Variants in SORCS1 observed in about 807,000 individuals in gnomAD.
The protein encoded by SORCS1 is sortilin related VPS10 domain containing receptor 1.
SORCS1 carries 60 observed loss-of-function variants against 146.1 expected under a neutral mutation model. The ratio of observed to expected loss-of-function variants is 0.41; its 90% CI spans 0.33 to 0.51. The LOEUF (loss-of-function observed/expected upper bound fraction) is 0.51. Among genes scored for constraint, SORCS1 ranks in the 20% least tolerant of loss-of-function variants. The pLI is 0.21. For missense variants in SORCS1, 1,352 were observed against 1,487.6 expected (o/e 0.91, Z 1.50); for synonymous variants, 637 against 584.0 (o/e 1.09, Z -1.31).
At chr10:106,646,529 C>G (rs757772906) in intron 18 of SORCS1, among the ~76,000 whole-genome samples, 34 of 151,852 alleles carry the variant, frequency 2.2e-4, no homozygotes, top group Non-Finnish European at 4.0e-4. Context: ...GACCCCGTCT[C>G]TACTAAAAAT....
chr10:106,833,918 C>T lies in SORCS1; in HGVS notation c.627-4245G>A, dbSNP rs541530656. Among the ~76,000 whole-genome samples the T allele has an allele frequency of 1.6e-4, 25 of 152,262 alleles. No homozygotes were observed. The East Asian group carries it at 4.4e-3, about 27-fold the overall frequency. Reference sequence around the variant, plus strand: ...ACGCCATTCTCCTGCCTCAGCATCCCGAGTAGCTGGGACTACAGGCGCCCG... The same window carrying T: ...ACGCCATTCTCCTGCCTCAGCATCCTGAGTAGCTGGGACTACAGGCGCCCG... On this transcript the variant is annotated intron_variant, in intron 2 of 25. Transcript: ENST00000263054.
chr10:106,731,649 A>G (rs1036242693), intron 5 of SORCS1, among the ~76,000 whole-genome samples: 1 of 152,144 alleles, frequency 6.6e-6, no homozygotes, highest in Admixed American at 6.6e-5. Context: ...TCCTTATCAG[A>G]GTTTGTTATA....
intron 2 of SORCS1, among the ~76,000 whole-genome samples, chr10:106,911,828 A>C (rs977521437): frequency 2.2e-4 from 33 of 152,100 alleles, no homozygotes; most frequent in African/African-American, 7.5e-4. Context: ...AAAGCTGCTC[A>C]GGGACTGGGT....
intron 2 of SORCS1, among the ~76,000 whole-genome samples, chr10:106,862,094 C>T (rs550067446): frequency 6.6e-4 from 101 of 152,246 alleles, no homozygotes; most frequent in African/African-American, 2.2e-3. Flanking sequence ...GACAACTGGA[C>T]CAGCTGATCT....
At chr10:106,834,724 T>C (rs2137061046) in intron 2 of SORCS1, among the ~76,000 whole-genome samples, 1 of 152,316 alleles carries the variant, frequency 6.6e-6, no homozygotes, top group South Asian at 2.1e-4. Context: ...GTATCTTAAA[T>C]AGTCATAATT....
chr10:106,598,917 C>T (rs1846069029), intron 23 of SORCS1, among the ~76,000 whole-genome samples: 1 of 152,206 alleles, frequency 6.6e-6, no homozygotes, highest in Non-Finnish European at 1.5e-5. Flanking sequence ...AGTCGTTGAG[C>T]ACCTGGGATC....
chr10:106,812,040 G>C (rs1395063275), intron 3 of SORCS1, among the ~76,000 whole-genome samples: 1 of 152,024 alleles, frequency 6.6e-6, no homozygotes, highest in Non-Finnish European at 1.5e-5. Flanking sequence ...TAGCTCTGTC[G>C]CCCAGGCTGG....
Position 106,618,184 on chromosome 10 carries a change from G to A in SORCS1, c.2885C>T (p.Ala962Val). Residue 962 changes from alanine (A) to valine (V), a missense_variant, in exon 21 of 26, where the codon GCC becomes GTC. Physicochemically the swap from Ala to Val is moderately conservative, Grantham distance 64. Around this residue, in one of 3 missense-constraint regions of SORCS1, gnomAD observed 648 missense variants for 793.8 expected, o/e 0.82. Coordinates refer to ENST00000263054, the MANE Select transcript of SORCS1 (RefSeq NM_052918.5). Reference protein sequence around the residue: ...TITVQVSAGNAILQDTKTIAV... With the variant: ...TITVQVSAGNVILQDTKTIAV... ...GATGGTCTTTGTGTCTTGTAGGATG[G>A]CATTCCCAGCTGAGACCTGCACTGT... is the stretch of plus-strand genomic sequence containing the variant. 6.2e-7 allele frequency: 1 copy of A among 1,614,052 alleles called. No homozygotes were observed. The highest frequency in any genetic ancestry group is 8.5e-7 in the Non-Finnish European group (1 of 1,179,946).
chr10:106,673,256 C>T (rs1000150255), intron 14 of SORCS1, among the ~76,000 whole-genome samples: 5 of 151,842 alleles, frequency 3.3e-5, no homozygotes, highest in African/African-American at 9.7e-5. Context: ...CTCAGCCTCC[C>T]GACTAGCTGG....
At chr10:106,839,169 A>C (rs1948914449) in intron 2 of SORCS1, among the ~76,000 whole-genome samples, 1 of 152,200 alleles carries the variant, frequency 6.6e-6, no homozygotes, top group South Asian at 2.1e-4. Context: ...CAAATGATTA[A>C]ACTTGGTGAG....
chr10:106,933,201 G>A (rs1180327050), intron 2 of SORCS1, among the ~76,000 whole-genome samples: 2 of 152,164 alleles, frequency 1.3e-5, no homozygotes, highest in African/African-American at 4.8e-5. Flanking sequence ...GAGCAGCTCA[G>A]TCAAGCAAAC....
chr10:106,658,233 G>A (rs1014372935), intron 17 of SORCS1, among the ~76,000 whole-genome samples: 3 of 151,820 alleles, frequency 2.0e-5, no homozygotes, highest in Non-Finnish European at 4.4e-5. Context: ...AAGCCATTCT[G>A]TATACTAAAT....
intron 1 of SORCS1, among the ~76,000 whole-genome samples, chr10:106,966,725 A>T (rs140341104): frequency 6.6e-6 from 1 of 152,236 alleles, no homozygotes; most frequent in Non-Finnish European, 1.5e-5. Context: ...CTGTTTCTCC[A>T]CAGAGCCAGA....
At chr10:107,093,995 G>A (rs181486416) in intron 1 of SORCS1, among the ~76,000 whole-genome samples, 7 of 152,078 alleles carry the variant, frequency 4.6e-5, no homozygotes, top group Admixed American at 2.6e-4. Context: ...ATGCCACCTC[G>A]AGATTTTCGA....
chr10:106,907,921 A>G (rs372312043), intron 2 of SORCS1, among the ~76,000 whole-genome samples: 4 of 152,096 alleles, frequency 2.6e-5, no homozygotes, highest in Non-Finnish European at 5.9e-5. Context: ...TACATCACAT[A>G]TACAGAAACT....
intron 1 of SORCS1, among the ~76,000 whole-genome samples, chr10:107,064,191 T>C (rs1961516435): frequency 6.6e-6 from 1 of 152,132 alleles, no homozygotes; most frequent in Non-Finnish European, 1.5e-5. Context: ...TAGCTAGGGA[T>C]AGAAAAGATT....
intron 3 of SORCS1, among the ~76,000 whole-genome samples, chr10:106,821,393 G>T (rs780367338): frequency 6.6e-6 from 1 of 152,096 alleles, no homozygotes; most frequent in African/African-American, 2.4e-5. Context: ...TATTGAGCTA[G>T]CTAAATACCT....
At chr10:106,622,288 C>T (rs928603620) in intron 19 of SORCS1, among the ~76,000 whole-genome samples, 2 of 59,020 alleles carry the variant, frequency 3.4e-5, no homozygotes, top group East Asian at 7.6e-4. Context: ...GATTCCATCT[C>T]GAAAAAAAAA....
intron 5 of SORCS1, among the ~76,000 whole-genome samples, chr10:106,734,147 T>C (rs1318343149): frequency 1.3e-5 from 2 of 152,166 alleles, no homozygotes; most frequent in Non-Finnish European, 2.9e-5. Flanking sequence ...AAAAAGGCAA[T>C]AGGTAGATGT....
Sources: allele counts gnomAD v4.1 joint callset (sites outside exome capture counted in the v4.1 genomes callset), GRCh38; gene constraint gnomAD v4.1.1; regional missense constraint gnomAD v4.1.1; transcripts MANE v1.5; gene names NCBI Gene and HGNC (gene_info 2026-07-23, HGNC 2026-07-21).